The following PCDHA6 variants were observed in gnomAD, a reference collection of about 807,000 sequenced individuals.
The protein encoded by PCDHA6 is protocadherin alpha-6.
Under a neutral mutation model 60.3 loss-of-function variants are expected in PCDHA6, and 55 were observed. That is an observed-to-expected ratio of 0.91 (90% CI 0.73 to 1.14). The LOEUF (loss-of-function observed/expected upper bound fraction) is 1.14. Ranked by LOEUF, PCDHA6 falls within the 50% of genes most tolerant of loss-of-function variation. The probability of loss-of-function intolerance (pLI) is 0.00; values close to 1 mark genes in which losing one functional copy is unlikely to be tolerated. For missense variants in PCDHA6, 1,327 were observed against 1,256.5 expected, an observed-to-expected ratio of 1.06 and a Z score of -0.85; for synonymous variants, 652 against 557.9, an observed-to-expected ratio of 1.17 and a Z score of -2.38.
At chr5:140,843,537 T>C (rs2150362232) in intron 1 of PCDHA6, 5 of 1,595,784 alleles carry the variant, frequency 3.1e-6, no homozygotes, top group Non-Finnish European at 4.3e-6. Flanking sequence ...AAGCCCACTC[T>C]GGTGTGCTCC....
chr5:140,869,445 G>T, intron 1 of PCDHA6: 2 of 1,614,232 alleles, frequency 1.2e-6, no homozygotes, highest in Non-Finnish European at 1.7e-6. Flanking sequence ...ACAGGCCGCT[G>T]CAGGTTTTCC....
intron 1 of PCDHA6, chr5:140,969,039 A>G: frequency 6.2e-7 from 1 of 1,614,130 alleles, no homozygotes; most frequent in Non-Finnish European, 8.5e-7. Context: ...GAACTGTACA[A>G]ACAAGCCAAC....
At chr5:140,918,562 A>G (rs536690328) in intron 1 of PCDHA6, among the ~76,000 whole-genome samples, 17 of 152,330 alleles carry the variant, frequency 1.1e-4, no homozygotes, top group African/African-American at 3.4e-4. Context: ...AGAAGAATGT[A>G]TATTATGCTG....
At chr5:140,858,313 G>A (rs781800844) in intron 1 of PCDHA6, 1 of 1,597,108 alleles carries the variant, frequency 6.3e-7, no homozygotes, top group Non-Finnish European at 8.6e-7. Flanking sequence ...GGCGGCAGAG[G>A]GTGTGTTCTG....
intron 1 of PCDHA6, chr5:140,865,952 T>C (rs2049067031): frequency 6.6e-6 from 1 of 152,220 alleles, no homozygotes; most frequent in Non-Finnish European, 1.5e-5. Context: ...GTCTTCATCA[T>C]TAATTTTGTA....
chr5:140,829,242 A>T lies in PCDHA6; in HGVS notation c.1151A>T (p.Gln384Leu), dbSNP rs2150164576. The change falls in exon 1 of 4, where the codon CAG becomes CTG. Residue 384 changes from glutamine to leucine, a missense_variant. Physicochemically the swap from Gln to Leu is moderately radical, Grantham distance 113 (BLOSUM62 -2). Coordinates refer to ENST00000529310, the MANE Select transcript of PCDHA6 (RefSeq NM_018909.4). ...GACCTCGATTCAGGTGCCAACGGGC[A>T]GGTGAACTGCTCGCTGACGCCTCAC... is the stretch of plus-strand genomic sequence containing the variant. Reference protein sequence around the residue: ...VNDLDSGANGQVNCSLTPHVP... With the variant: ...VNDLDSGANGLVNCSLTPHVP... 1.7e-5 allele frequency: 27 copies of T among 1,614,148 alleles called. No individual in the cohort carries two copies. The highest frequency in any genetic ancestry group is 1.6e-4 in the Middle Eastern group (1 of 6,084).
chr5:140,928,643 T>C (rs2085399261), intron 1 of PCDHA6: 7 of 1,614,222 alleles, frequency 4.3e-6, no homozygotes, highest in Non-Finnish European at 5.9e-6. Context: ...ACAAAAGTGG[T>C]AGCAGAGGAT....
intron 1 of PCDHA6, chr5:140,928,551 G>A (rs782615304): frequency 2.5e-6 from 4 of 1,614,044 alleles, no homozygotes; most frequent in Non-Finnish European, 2.5e-6. Context: ...ACAATTATCC[G>A]GTTATCTTGT....
At chr5:140,884,995 T>C (rs1168400289) in intron 1 of PCDHA6, among the ~76,000 whole-genome samples, 1 of 152,228 alleles carries the variant, frequency 6.6e-6, no homozygotes, top group African/African-American at 2.4e-5. Context: ...AAAATGTTTG[T>C]TTTAATGAGG....
chr5:140,909,620 A>C (rs576090849), intron 1 of PCDHA6, among the ~76,000 whole-genome samples: 1 of 152,122 alleles, frequency 6.6e-6, no homozygotes. Flanking sequence ...GGCAGCTCTA[A>C]TTGGTCTTCC....
chr5:140,964,472 T>A (rs1160731930), intron 1 of PCDHA6, among the ~76,000 whole-genome samples: 1 of 152,074 alleles, frequency 6.6e-6, no homozygotes, highest in Non-Finnish European at 1.5e-5. Context: ...GTGCCTATGA[T>A]TTTTTCACAG....
chr5:140,862,315 C>T, intron 1 of PCDHA6: 1 of 317,364 alleles, frequency 3.2e-6, no homozygotes, highest in Non-Finnish European at 6.2e-6. Context: ...CCGTCATAGC[C>T]CTAATCAGTG....
chr5:140,967,114 C>T (rs782407413), intron 1 of PCDHA6: 17 of 1,612,932 alleles, frequency 1.1e-5, no homozygotes, highest in Non-Finnish European at 1.4e-5. Flanking sequence ...AGCGGCCTCG[C>T]TGCCTGCTCA....
intron 1 of PCDHA6, chr5:140,867,818 C>G (rs1319756642): frequency 6.6e-6 from 1 of 152,040 alleles, no homozygotes; most frequent in African/African-American, 2.4e-5. Flanking sequence ...AATTCCATTT[C>G]CACAAGCACT....
chr5:140,860,911 G>A (rs1302618157), intron 1 of PCDHA6: 1 of 152,150 alleles, frequency 6.6e-6, no homozygotes, highest in Non-Finnish European at 1.5e-5. Context: ...CTAATTTTTT[G>A]TATTTTTAGT....
At chr5:140,841,928 G>A in intron 1 of PCDHA6, 2 of 1,613,910 alleles carry the variant, frequency 1.2e-6, no homozygotes, top group Admixed American at 1.7e-5. Context: ...CTTGGACAGA[G>A]AGGACGCTCC....
intron 3 of PCDHA6, among the ~76,000 whole-genome samples, chr5:140,982,864 T>G (rs1294289316): frequency 1.3e-5 from 2 of 152,114 alleles, no homozygotes; most frequent in Non-Finnish European, 2.9e-5. Flanking sequence ...TTCAAATGCT[T>G]AGGTCATCCA....
intron 1 of PCDHA6, chr5:140,969,185 A>G (rs782632936): frequency 1.9e-6 from 3 of 1,613,974 alleles, no homozygotes; most frequent in South Asian, 1.1e-5. Context: ...TGACACTTTC[A>G]TGTTTTACAA....
chr5:140,981,699 T>A (rs1162840326), intron 2 of PCDHA6, among the ~76,000 whole-genome samples: 1 of 151,316 alleles, frequency 6.6e-6, no homozygotes, highest in Non-Finnish European at 1.5e-5. Context: ...CATTCATTCA[T>A]TCATTCATTC....
Sources: gnomAD v4.1 joint callset for allele counts (sites outside exome capture counted in the v4.1 genomes callset) on GRCh38, gnomAD v4.1.1 for gene constraint, MANE v1.5 for transcripts, NCBI Gene and HGNC (gene_info 2026-07-23, HGNC 2026-07-21) for gene names.